The following GPC5 variants were observed in gnomAD, a reference collection of about 807,000 sequenced individuals.
GPC5 encodes the protein glypican 5.
In GPC5, 47 loss-of-function variants were observed where a neutral mutation model predicts 53.9. The observed-to-expected ratio is 0.87, with a 90% CI of 0.69 to 1.11. GPC5 has a LOEUF of 1.11. GPC5 is among the 50% of genes most tolerant of loss of function. The pLI is 0.00. For missense variants in GPC5, 748 were observed against 713.1 expected (o/e 1.05, Z -0.56); for synonymous variants, 286 against 263.3 (o/e 1.09, Z -0.84).
intron 7 of GPC5, among the ~76,000 whole-genome samples, chr13:92,172,916 T>A (rs1378477568): frequency 6.6e-6 from 1 of 150,430 alleles, no homozygotes; most frequent in African/African-American, 2.4e-5. Context: ...GTTCTAGGGT[T>A]TTTTTAATTA....
chr13:92,054,330 G>A lies in GPC5; in HGVS notation c.1402-90500G>A, dbSNP rs551616035. Among the ~76,000 whole-genome samples, 147 of 152,078 alleles carry A rather than the reference G, an allele frequency of 9.7e-4. 1 individual carries two copies. In the South Asian group the frequency reaches 0.01, roughly 11 times the overall value. On this transcript the variant is annotated intron_variant, in intron 6 of 7. Coordinates refer to ENST00000377067, the MANE Select transcript of GPC5 (RefSeq NM_004466.6). ...TTTTCATAGCCTGACAAAAGACAAG[G>A]CAGCTTTTGTCTCTGAAACTCTCAC...
At chr13:91,805,235 G>A (rs1459077035) in intron 5 of GPC5, among the ~76,000 whole-genome samples, 1 of 152,124 alleles carries the variant, frequency 6.6e-6, no homozygotes, top group Non-Finnish European at 1.5e-5. Context: ...CTACCCCTCT[G>A]TAAAACTGAG....
intron 5 of GPC5, among the ~76,000 whole-genome samples, chr13:91,814,192 A>G (rs1476496346): frequency 1.3e-5 from 2 of 152,038 alleles, no homozygotes; most frequent in African/African-American, 2.4e-5. Context: ...TCGGCCTCCC[A>G]AAGTGTTGGA....
chr13:91,954,954 T>C (rs2040059997), intron 6 of GPC5, among the ~76,000 whole-genome samples: 1 of 152,074 alleles, frequency 6.6e-6, no homozygotes, highest in Non-Finnish European at 1.5e-5. Context: ...AACAACATAC[T>C]TTTGAAAATA....
chr13:92,204,978 A>G (rs1423171509), intron 7 of GPC5, among the ~76,000 whole-genome samples: 1 of 151,846 alleles, frequency 6.6e-6, no homozygotes, highest in African/African-American at 2.4e-5. Flanking sequence ...TCCTGGGTTC[A>G]TGCCATTCTC....
chr13:91,618,920 C>T (rs565273329), intron 2 of GPC5, among the ~76,000 whole-genome samples: 3 of 152,118 alleles, frequency 2.0e-5, no homozygotes, highest in South Asian at 2.1e-4. Context: ...GCAAAACAAA[C>T]AAATAAAAAT....
intron 2 of GPC5, among the ~76,000 whole-genome samples, chr13:91,574,350 G>A (rs1485330427): frequency 6.6e-6 from 1 of 152,090 alleles, no homozygotes; most frequent in Non-Finnish European, 1.5e-5. Context: ...AACATACTTT[G>A]TAATTCCAAG....
At position 92,161,094 on chromosome 13, in the gene GPC5, G is replaced by T. The variant is rs150448956; in HGVS notation, c.1561+16105G>T. 4.0e-5 allele frequency among the ~76,000 whole-genome samples: 6 copies of T among 151,444 alleles called. No individual in the cohort carries two copies. The East Asian group carries it at 1.2e-3, about 30-fold the overall frequency. On this transcript the variant is annotated intron_variant, in intron 7 of 7. Transcript: ENST00000377067. ...ACCATAATAGTTGTAAAATTGTCTA[G>T]GGAAAGTCAGGAAGCATCTTTTTAT...
At chr13:92,397,274 G>GC (rs946254936) in intron 7 of GPC5, among the ~76,000 whole-genome samples, 23 of 152,246 alleles carry the variant, frequency 1.5e-4, no homozygotes, top group African/African-American at 5.5e-4. Context: ...TGGGGGCTGG[G>GC]GGGGGTTCCC....
chr13:91,804,379 C>A (rs1432060925), intron 5 of GPC5, among the ~76,000 whole-genome samples: 6 of 152,224 alleles, frequency 3.9e-5, no homozygotes, highest in Admixed American at 6.5e-5. Flanking sequence ...GCTCCCCCAA[C>A]ATCTTATTGC....
At chr13:91,789,157 G>A (rs1323286086) in intron 5 of GPC5, among the ~76,000 whole-genome samples, 1 of 151,918 alleles carries the variant, frequency 6.6e-6, no homozygotes, top group African/African-American at 2.4e-5. Context: ...AGGTTGCAGT[G>A]AGCCAAGATC....
chr13:92,603,737 C>T (rs548362719), intron 7 of GPC5, among the ~76,000 whole-genome samples: 1 of 152,270 alleles, frequency 6.6e-6, no homozygotes, highest in African/African-American at 2.4e-5. Flanking sequence ...GTGGTTAGGT[C>T]TGTGGGTGAA....
intron 6 of GPC5, among the ~76,000 whole-genome samples, chr13:92,024,236 G>A (rs2040783006): frequency 6.6e-6 from 1 of 152,072 alleles, no homozygotes; most frequent in Non-Finnish European, 1.5e-5. Flanking sequence ...TAGACATATT[G>A]TAGGAAACTT....
At chr13:92,329,243 C>T (rs1347612488) in intron 7 of GPC5, among the ~76,000 whole-genome samples, 2 of 152,128 alleles carry the variant, frequency 1.3e-5, no homozygotes, top group Non-Finnish European at 2.9e-5. Context: ...GGAAGCATGG[C>T]ATCCGCAGCT....
In GPC5 at chr13:92,538,790, A is replaced by G. The variant is rs1230546468; in HGVS notation, c.1562-327492A>G. ...ATCCATGTCCCTGCAAAGGACATGAACTCATATATATATACCTTGTATATA... is the reference window on the plus strand; with the variant it reads ...ATCCATGTCCCTGCAAAGGACATGAGCTCATATATATATACCTTGTATATA... On this transcript the variant is annotated intron_variant, in intron 7 of 7. Coordinates refer to ENST00000377067, the MANE Select transcript of GPC5 (RefSeq NM_004466.6). Among the ~76,000 whole-genome samples the G allele has an allele frequency of 6.0e-3, 4 of 664 alleles. 2 individuals carry two copies. The highest frequency in any genetic ancestry group is 6.3e-3 in the African/African-American group (4 of 636). 0.4% of individuals were successfully genotyped at this position (664 alleles called of 152,430 possible).
At chr13:91,582,046 G>A (rs550955548) in intron 2 of GPC5, among the ~76,000 whole-genome samples, 2 of 152,264 alleles carry the variant, frequency 1.3e-5, no homozygotes, top group East Asian at 3.9e-4. Context: ...TCTGGAAGAG[G>A]CAAGTGAGAA....
intron 5 of GPC5, among the ~76,000 whole-genome samples, chr13:91,812,910 A>G (rs1256729881): frequency 1.3e-5 from 2 of 152,204 alleles, no homozygotes; most frequent in African/African-American, 4.8e-5. Context: ...AAATGTCTTG[A>G]CATCTTTGGA....
At chr13:91,744,765 C>T (rs954356664) in intron 4 of GPC5, among the ~76,000 whole-genome samples, 8 of 152,106 alleles carry the variant, frequency 5.3e-5, no homozygotes, top group Admixed American at 3.3e-4. Flanking sequence ...ATGTTAGCAG[C>T]CACAGAAAAT....
At chr13:92,648,345 T>G (rs1274009843) in intron 7 of GPC5, among the ~76,000 whole-genome samples, 2 of 152,080 alleles carry the variant, frequency 1.3e-5, no homozygotes, top group East Asian at 3.9e-4. Context: ...TTGGAGTTAT[T>G]TTAAGATACA....
Sources: gnomAD v4.1 joint callset for allele counts (sites outside exome capture counted in the v4.1 genomes callset) on GRCh38, gnomAD v4.1.1 for gene constraint, MANE v1.5 for transcripts, NCBI Gene and HGNC (gene_info 2026-07-23, HGNC 2026-07-21) for gene names.